Variants in TMCC1 observed in about 807,000 individuals in gnomAD.
TMCC1 encodes transmembrane and coiled-coil domains protein 1.
TMCC1 carries 15 observed loss-of-function variants against 52.4 expected under a neutral mutation model. That is an observed-to-expected ratio of 0.29 (90% confidence interval 0.19 to 0.44). TMCC1 has a LOEUF of 0.44. TMCC1 is among the 20% of genes least tolerant of loss of function. The pLI is 1.00. For missense variants in TMCC1, 503 were observed against 806.0 expected, an observed-to-expected ratio of 0.62 and a Z score of 4.55; for synonymous variants, 279 against 301.9, an observed-to-expected ratio of 0.92 and a Z score of 0.79.
intron 4 of TMCC1, among the ~76,000 whole-genome samples, chr3:129,791,422 G>A (rs1376329018): frequency 6.6e-6 from 1 of 151,980 alleles, no homozygotes; most frequent in Non-Finnish European, 1.5e-5. Flanking sequence ...GGAGGCAGTT[G>A]GTATGGGGAA....
intron 4 of TMCC1, among the ~76,000 whole-genome samples, chr3:129,757,415 C>T (rs2053110096): frequency 1.3e-5 from 2 of 152,216 alleles, no homozygotes; most frequent in South Asian, 4.1e-4. Flanking sequence ...AACTTTCTTA[C>T]TGTGTCTCAC....
intron 4 of TMCC1, among the ~76,000 whole-genome samples, chr3:129,790,505 A>T (rs949200443): frequency 1.3e-5 from 2 of 152,222 alleles, no homozygotes; most frequent in African/African-American, 4.8e-5. Context: ...AGTAAAATAA[A>T]AGGGTATAAT....
rs77023167 is a variant in TMCC1 at position 129,885,910 on chromosome 3, T to G, written c.-434-5351A>C. Among the ~76,000 whole-genome samples, 41 of 151,942 alleles carry G rather than the reference T, an allele frequency of 2.7e-4. 1 individual carries two copies. The highest frequency in any genetic ancestry group is 8.9e-4 in the African/African-American group (37 of 41,466). Reference sequence around the variant, plus strand: ...GGCGCCCACGACCACGCCCAGCTAATTTTTGTATTTTTAGTAGAGACAGGG... The same window carrying G: ...GGCGCCCACGACCACGCCCAGCTAAGTTTTGTATTTTTAGTAGAGACAGGG... On this transcript the variant is annotated intron_variant, in intron 1 of 6. Coordinates refer to ENST00000393238, the MANE Select transcript of TMCC1 (RefSeq NM_001017395.5).
intron 4 of TMCC1, among the ~76,000 whole-genome samples, chr3:129,700,855 T>C (rs1441586126): frequency 6.6e-6 from 1 of 151,964 alleles, no homozygotes; most frequent in Non-Finnish European, 1.5e-5. Flanking sequence ...GCCCATACAA[T>C]GGTATACCCT....
At chr3:129,821,819 C>T (rs554682799) in intron 4 of TMCC1, among the ~76,000 whole-genome samples, 167 of 152,252 alleles carry the variant, frequency 1.1e-3, no homozygotes, top group African/African-American at 3.7e-3. Context: ...AATCCCAGCA[C>T]TTTGGGAGGC....
Position 129,740,138 on chromosome 3 carries a change from G to A in TMCC1, c.577-68874C>T, listed in dbSNP as rs369401621. Among the ~76,000 whole-genome samples, 14 of 152,330 alleles carry A rather than the reference G, an allele frequency of 9.2e-5. No homozygotes were observed. The East Asian group carries it at 2.3e-3, about 25-fold the overall frequency. On this transcript the variant is annotated intron_variant, in intron 4 of 6. Coordinates refer to ENST00000393238, the MANE Select transcript of TMCC1 (RefSeq NM_001017395.5). Reference sequence around the variant, plus strand: ...TCTCTGAAGACGTCCTAGTCTGCACGTGTTTCAGACTGCCTTGCATGGAGC... The same window carrying A: ...TCTCTGAAGACGTCCTAGTCTGCACATGTTTCAGACTGCCTTGCATGGAGC...
intron 4 of TMCC1, among the ~76,000 whole-genome samples, chr3:129,728,128 C>T (rs555958971): frequency 1.6e-4 from 24 of 152,114 alleles, no homozygotes; most frequent in Admixed American, 1.0e-3. Flanking sequence ...GTGACAGGCA[C>T]ACTATATGGG....
At chr3:129,746,631 G>T (rs1464106258) in intron 4 of TMCC1, among the ~76,000 whole-genome samples, 1 of 152,134 alleles carries the variant, frequency 6.6e-6, no homozygotes, top group African/African-American at 2.4e-5. Flanking sequence ...AAGGTATTGG[G>T]TGGCTTAAGG....
intron 4 of TMCC1, among the ~76,000 whole-genome samples, chr3:129,711,265 T>C (rs1392591105): frequency 6.6e-6 from 1 of 152,178 alleles, no homozygotes; most frequent in Non-Finnish European, 1.5e-5. Context: ...CAAAGTTTAT[T>C]TAATTCTCAT....
chr3:129,692,923 AT>A (rs2047129133), intron 4 of TMCC1, among the ~76,000 whole-genome samples: 1 of 152,030 alleles, frequency 6.6e-6, no homozygotes, highest in African/African-American at 2.4e-5. Flanking sequence ...GCTGACTGCA[AT>A]GTCCATCTCC....
At position 129,890,351 on chromosome 3, in the gene TMCC1, G is replaced by A. The variant is rs150105119; in HGVS notation, c.-435+3143C>T. Among the ~76,000 whole-genome samples the A allele has an allele frequency of 4.6e-5, 7 of 152,320 alleles. No individual in the cohort carries two copies. In the East Asian group the frequency reaches 1.3e-3, roughly 29 times the overall value. ...AGCCACAACAGGAAATGCCAATATG[G>A]ATAGACAGGAAGCAGGTGGCTAAGT... On this transcript the variant is annotated intron_variant, in intron 1 of 6. Transcript: ENST00000393238.
chr3:129,749,906 C>CT (rs1460042215), intron 4 of TMCC1, among the ~76,000 whole-genome samples: 2 of 152,144 alleles, frequency 1.3e-5, no homozygotes, highest in Non-Finnish European at 2.9e-5. Flanking sequence ...TCCTGAGTAC[C>CT]TACTGGGCTC....
intron 4 of TMCC1, among the ~76,000 whole-genome samples, chr3:129,733,653 T>C (rs942921660): frequency 1.3e-5 from 2 of 152,202 alleles, no homozygotes; most frequent in Non-Finnish European, 2.9e-5. Context: ...GTTATTCTTG[T>C]ATAGAATTCC....
chr3:129,769,591 T>C (rs191410677), intron 4 of TMCC1, among the ~76,000 whole-genome samples: 3 of 151,190 alleles, frequency 2.0e-5, no homozygotes, highest in African/African-American at 7.3e-5. Flanking sequence ...CTATCGTTAG[T>C]GTATTTTATA....
chr3:129,821,292 A>G (rs1450074710), intron 4 of TMCC1, among the ~76,000 whole-genome samples: 1 of 152,160 alleles, frequency 6.6e-6, no homozygotes, highest in Non-Finnish European at 1.5e-5. Flanking sequence ...CTGGTCTTAG[A>G]CAAGTTTTAA....
intron 4 of TMCC1, among the ~76,000 whole-genome samples, chr3:129,784,792 T>C (rs945247286): frequency 5.9e-5 from 9 of 152,026 alleles, no homozygotes; most frequent in African/African-American, 2.2e-4. Flanking sequence ...AGTGAGATCC[T>C]ATCTCTACAG....
intron 4 of TMCC1, among the ~76,000 whole-genome samples, chr3:129,723,480 G>A (rs769441042): frequency 3.4e-5 from 5 of 145,818 alleles, no homozygotes; most frequent in South Asian, 2.1e-4. Context: ...TGGCATCTTC[G>A]AATTTAACCC....
chr3:129,793,676 T>C (rs539695333), intron 4 of TMCC1, among the ~76,000 whole-genome samples: 11 of 152,340 alleles, frequency 7.2e-5, no homozygotes, highest in African/African-American at 1.9e-4. Flanking sequence ...CCCTCTTAAA[T>C]GCGTGCTTCA....
intron 4 of TMCC1, among the ~76,000 whole-genome samples, chr3:129,699,294 C>T (rs1044228009): frequency 1.3e-5 from 2 of 152,120 alleles, no homozygotes; most frequent in Admixed American, 6.5e-5. Context: ...GCAGTAAAGA[C>T]GCCAGCGAAA....
Sources: gnomAD v4.1 joint callset for allele counts (sites outside exome capture counted in the v4.1 genomes callset) on GRCh38, gnomAD v4.1.1 for gene constraint, MANE v1.5 for transcripts, NCBI Gene and HGNC (gene_info 2026-07-23, HGNC 2026-07-21) for gene names.